The following CADM2 variants were observed in gnomAD, a reference collection of about 807,000 sequenced individuals.
The protein encoded by CADM2 is cell adhesion molecule 2.
A neutral mutation model predicts 49.8 loss-of-function variants in CADM2; 12 were observed. The observed-to-expected ratio is 0.24, with a 90% CI of 0.15 to 0.39. The LOEUF (loss-of-function observed/expected upper bound fraction) is 0.39, where lower values mean the gene tolerates loss of function less well. CADM2 is among the 10% of genes least tolerant of loss of function. CADM2 has a pLI of 1.00. For missense variants in CADM2, 378 were observed against 492.3 expected (o/e 0.77, Z 2.20); for synonymous variants, 214 against 175.4 (o/e 1.22, Z -1.74).
At chr3:85,399,812 T>C (rs1479883770) in intron 1 of CADM2, among the ~76,000 whole-genome samples, 1 of 152,218 alleles carries the variant, frequency 6.6e-6, no homozygotes, top group Non-Finnish European at 1.5e-5. Context: ...TTTTGCACAT[T>C]GATTTTGTAT....
At chr3:85,218,529 G>T (rs796961232) in intron 1 of CADM2, among the ~76,000 whole-genome samples, 62 of 152,256 alleles carry the variant, frequency 4.1e-4, no homozygotes, top group African/African-American at 1.4e-3. Context: ...AAAGTGTACA[G>T]GCTCACTCCT....
intron 8 of CADM2, among the ~76,000 whole-genome samples, chr3:86,061,226 T>A (rs1489858087): frequency 6.6e-6 from 1 of 152,042 alleles, no homozygotes; most frequent in Non-Finnish European, 1.5e-5. Context: ...AGTTTATAAA[T>A]CCCAATAAAT....
Position 86,065,715 on chromosome 3 carries a change from C to G in CADM2, c.1081C>G (p.Leu361Val). The G allele has an allele frequency of 6.2e-7, 1 of 1,613,892 alleles. No individual in the cohort carries two copies. Among genetic ancestry groups the G allele is most frequent in the African/African-American group, 1.3e-5 (1 of 75,030 alleles). ...LCSIFLLGRY[L>V]ARHKGTYLTN... ...TTCTATCTTTCTGCTTGGTCGATAT[C>G]TGGCAAGGCATAAAGGTACGTTATA... is the stretch of plus-strand genomic sequence containing the variant. The change falls in exon 9 of 10, where the codon CTG becomes GTG. Residue 361 changes from leucine (L) to valine (V), a missense_variant. Physicochemically the swap from Leu to Val is conservative, Grantham distance 32. Coordinates refer to ENST00000383699, the MANE Select transcript of CADM2 (RefSeq NM_001167675.2).
chr3:85,001,269 A>G (rs1436884253), intron 1 of CADM2, among the ~76,000 whole-genome samples: 1 of 151,922 alleles, frequency 6.6e-6, no homozygotes. Context: ...TTTAGTTCAT[A>G]TAAAAATATG....
Position 85,008,831 on chromosome 3 carries a change from T to A in CADM2, c.61+49163T>A, listed in dbSNP as rs559070872. On this transcript the variant is annotated intron_variant, in intron 1 of 9. Transcript: ENST00000383699. Reference sequence around the variant, plus strand: ...TCAAAAGTACAAAGAAAGGTAGACTTGTAGCTCATGTTTTCCATCTCTAGA... The same window carrying A: ...TCAAAAGTACAAAGAAAGGTAGACTAGTAGCTCATGTTTTCCATCTCTAGA... Among the ~76,000 whole-genome samples the A allele has an allele frequency of 7.2e-5, 11 of 152,308 alleles. No homozygotes were observed. The East Asian group carries it at 2.1e-3, about 29-fold the overall frequency.
At chr3:85,336,792 C>T (rs1213133200) in intron 1 of CADM2, among the ~76,000 whole-genome samples, 1 of 148,460 alleles carries the variant, frequency 6.7e-6, no homozygotes, top group East Asian at 2.0e-4. Flanking sequence ...TCATTTCTTT[C>T]CATTTTAAAG....
chr3:85,360,449 TTTTC>T (rs1270770866), intron 1 of CADM2, among the ~76,000 whole-genome samples: 1 of 152,148 alleles, frequency 6.6e-6, no homozygotes, highest in East Asian at 1.9e-4. Flanking sequence ...CAGGTCAGAA[TTTTC>T]TTTCTTATTT....
At chr3:85,989,940 A>T (rs1728554737) in intron 8 of CADM2, among the ~76,000 whole-genome samples, 1 of 119,616 alleles carries the variant, frequency 8.4e-6, no homozygotes, top group Non-Finnish European at 1.6e-5. Context: ...TTGACCCGGG[A>T]AGGGGAGGTT....
rs571078930 is a variant in CADM2 at position 85,063,304 on chromosome 3, C to A, written c.61+103636C>A. 7.9e-4 allele frequency among the ~76,000 whole-genome samples: 120 copies of A among 151,794 alleles called. 1 individual carries two copies. Among genetic ancestry groups the A allele is most frequent in the Non-Finnish European group, 1.4e-3 (93 of 67,868 alleles). On this transcript the variant is annotated intron_variant, in intron 1 of 9. Coordinates refer to ENST00000383699, the MANE Select transcript of CADM2 (RefSeq NM_001167675.2). ...CTAATAATTTAAATTATTTTAGATG[C>A]CTTGATTTAAATCAATTTCATTCTA...
chr3:85,172,055 C>G (rs1405560676), intron 1 of CADM2, among the ~76,000 whole-genome samples: 1 of 152,090 alleles, frequency 6.6e-6, no homozygotes, highest in African/African-American at 2.4e-5. Flanking sequence ...ATGCATTATC[C>G]TAATAAATTA....
chr3:85,635,490 A>G (rs1432631862), intron 1 of CADM2, among the ~76,000 whole-genome samples: 1 of 152,154 alleles, frequency 6.6e-6, no homozygotes, highest in Admixed American at 6.6e-5. Flanking sequence ...GTTGCACACT[A>G]TAGAAATTTT....
intron 3 of CADM2, among the ~76,000 whole-genome samples, chr3:85,880,300 T>C (rs1340931581): frequency 1.3e-5 from 2 of 152,158 alleles, no homozygotes; most frequent in Non-Finnish European, 2.9e-5. Flanking sequence ...CTATATATGG[T>C]GGACATTATC....
chr3:85,701,503 T>C (rs922225064), intron 1 of CADM2, among the ~76,000 whole-genome samples: 3 of 152,012 alleles, frequency 2.0e-5, no homozygotes, highest in Non-Finnish European at 2.9e-5. Context: ...GGCTCCTTGC[T>C]CTCATTCTTA....
intron 1 of CADM2, among the ~76,000 whole-genome samples, chr3:85,446,193 A>G (rs575272192): frequency 1.3e-5 from 2 of 152,180 alleles, no homozygotes; most frequent in Non-Finnish European, 2.9e-5. Context: ...GGGTCTAAAC[A>G]CAGAAGAGAT....
chr3:85,966,818 A>G (rs888076832), intron 8 of CADM2, among the ~76,000 whole-genome samples: 2 of 151,694 alleles, frequency 1.3e-5, no homozygotes, highest in Non-Finnish European at 2.9e-5. Flanking sequence ...TGGAAATATG[A>G]TACTGCTTTT....
chr3:85,820,235 C>A (rs145656280), intron 3 of CADM2, among the ~76,000 whole-genome samples: 1 of 152,190 alleles, frequency 6.6e-6, no homozygotes, highest in Non-Finnish European at 1.5e-5. Flanking sequence ...TAGAATAATT[C>A]TGAATTTTTC....
intron 1 of CADM2, among the ~76,000 whole-genome samples, chr3:85,463,613 G>A (rs1215201530): frequency 1.3e-5 from 2 of 152,150 alleles, no homozygotes; most frequent in African/African-American, 4.8e-5. Flanking sequence ...GTGTACATAT[G>A]AGTGAAAAAA....
intron 1 of CADM2, among the ~76,000 whole-genome samples, chr3:85,324,330 A>C (rs2044692431): frequency 6.6e-6 from 1 of 152,204 alleles, no homozygotes. Flanking sequence ...ATTGAGTGTC[A>C]AAATCAAGTC....
chr3:85,892,994 G>A (rs1351253549), intron 5 of CADM2, among the ~76,000 whole-genome samples: 1 of 152,160 alleles, frequency 6.6e-6, no homozygotes. Flanking sequence ...TCAGCCTCAG[G>A]TGGTCTCAGA....
Sources: gnomAD v4.1 joint callset for allele counts (sites outside exome capture counted in the v4.1 genomes callset) on GRCh38, gnomAD v4.1.1 for gene constraint, MANE v1.5 for transcripts, NCBI Gene and HGNC (gene_info 2026-07-23, HGNC 2026-07-21) for gene names.